The following SMAD1 variants were observed in gnomAD, a reference collection of about 807,000 sequenced individuals.
SMAD1 encodes SMAD family member 1, also known as MAD, mothers against decapentaplegic homolog 1.
A neutral mutation model predicts 41.6 loss-of-function variants in SMAD1; 6 were observed. The ratio of observed to expected loss-of-function variants is 0.14; its 90% confidence interval spans 0.08 to 0.28. The LOEUF (loss-of-function observed/expected upper bound fraction) is 0.28. Among genes scored for constraint, SMAD1 ranks in the 10% least tolerant of loss-of-function variants. The pLI is 1.00. For synonymous variants in SMAD1, 206 were observed against 203.2 expected (o/e 1.01, Z -0.12); for missense variants, 379 against 582.6 (o/e 0.65, Z 3.60).
intron 2 of SMAD1, among the ~76,000 whole-genome samples, chr4:145,520,627 C>T (rs1169406532): frequency 6.6e-6 from 1 of 152,098 alleles, no homozygotes. Context: ...CAGAGTTTTC[C>T]TTCTGATATT....
intron 3 of SMAD1, among the ~76,000 whole-genome samples, chr4:145,542,057 A>G (rs1731978229): frequency 6.6e-6 from 1 of 152,198 alleles, no homozygotes; most frequent in Non-Finnish European, 1.5e-5. Context: ...GAGTAGGGAG[A>G]GTGTGGTCCT....
At chr4:145,500,410 A>G (rs1279903798) in intron 1 of SMAD1, among the ~76,000 whole-genome samples, 1 of 152,104 alleles carries the variant, frequency 6.6e-6, no homozygotes, top group Non-Finnish European at 1.5e-5. Flanking sequence ...AGCCTCAGTG[A>G]GGACTCCTTG....
At chr4:145,523,863 T>C (rs1730889554) in intron 2 of SMAD1, among the ~76,000 whole-genome samples, 2 of 152,284 alleles carry the variant, frequency 1.3e-5, no homozygotes, top group East Asian at 3.9e-4. Flanking sequence ...CAGGGCTTCA[T>C]TCTTCAGTCT....
chr4:145,494,319 T>C (rs1728941846), intron 1 of SMAD1, among the ~76,000 whole-genome samples: 2 of 152,196 alleles, frequency 1.3e-5, no homozygotes, highest in South Asian at 4.1e-4. Flanking sequence ...CTTATGTTCA[T>C]AGTGTATCTC....
intron 2 of SMAD1, among the ~76,000 whole-genome samples, chr4:145,533,603 A>T (rs1402546753): frequency 6.6e-6 from 1 of 152,084 alleles, no homozygotes; most frequent in Non-Finnish European, 1.5e-5. Flanking sequence ...AGGATCGCTT[A>T]AGCCCAGGAG....
chr4:145,487,845 C>G (rs534397557), intron 1 of SMAD1, among the ~76,000 whole-genome samples: 1 of 151,772 alleles, frequency 6.6e-6, no homozygotes, highest in Non-Finnish European at 1.5e-5. Flanking sequence ...CTAGAACATT[C>G]ATTTGCATAA....
At chr4:145,504,850 A>G (rs911108683) in intron 1 of SMAD1, among the ~76,000 whole-genome samples, 1 of 152,298 alleles carries the variant, frequency 6.6e-6, no homozygotes. Context: ...TCTCATTGCA[A>G]TTCTTTGCTT....
intron 5 of SMAD1, among the ~76,000 whole-genome samples, chr4:145,549,081 A>G (rs1732411455): frequency 6.6e-6 from 1 of 152,196 alleles, no homozygotes; most frequent in Non-Finnish European, 1.5e-5. Context: ...AGGGGGAGTA[A>G]TTCTTTCAAA....
intron 1 of SMAD1, among the ~76,000 whole-genome samples, chr4:145,492,463 C>G (rs1578737816): frequency 6.6e-6 from 1 of 152,304 alleles, no homozygotes; most frequent in Non-Finnish European, 1.5e-5. Flanking sequence ...TGAAGAGATA[C>G]ATAGGGCAAG....
intron 1 of SMAD1, among the ~76,000 whole-genome samples, chr4:145,490,394 C>T (rs1229690294): frequency 1.3e-5 from 2 of 152,134 alleles, no homozygotes; most frequent in African/African-American, 4.8e-5. Flanking sequence ...AAGATCAGCA[C>T]ATGGTAAGGG....
At chr4:145,537,861 A>G (rs1304537673) in intron 2 of SMAD1, among the ~76,000 whole-genome samples, 1 of 152,200 alleles carries the variant, frequency 6.6e-6, no homozygotes, top group Non-Finnish European at 1.5e-5. Context: ...GCTAAAACAG[A>G]TGCTCCACTA....
chr4:145,529,279 C>T lies in SMAD1; in HGVS notation c.401-10525C>T, dbSNP rs140604686. Among the ~76,000 whole-genome samples the T allele has an allele frequency of 1.2e-3, 181 of 152,060 alleles. 1 individual carries two copies. The highest frequency in any genetic ancestry group is 1.6e-3 in the Non-Finnish European group (112 of 67,988). On this transcript the variant is annotated intron_variant, in intron 2 of 6. Coordinates refer to ENST00000302085, the MANE Select transcript of SMAD1 (RefSeq NM_005900.3). Reference sequence around the variant, plus strand: ...CCCTGAAGTTTTTTTCTACCTCTAACAACTCTCGAAGTCTCTAATAACAGA... The same window carrying T: ...CCCTGAAGTTTTTTTCTACCTCTAATAACTCTCGAAGTCTCTAATAACAGA...
At position 145,514,963 on chromosome 4, in the gene SMAD1, A is replaced by G; in HGVS notation, c.350A>G (p.Gln117Arg). ...ECCEFPFGSK[Q>R]KEVCINPYHY... The stretch of plus-strand genomic sequence containing the variant: ...TGTGAGTTTCCTTTTGGTTCCAAGC[A>G]GAAGGAGGTCTGCATCAATCCCTAC... The change falls in exon 2 of 7, where the codon CAG becomes CGG. Residue 117 changes from glutamine to arginine, a missense_variant. Gln to Arg is a conservative substitution (Grantham distance 43, BLOSUM62 1). Coordinates refer to ENST00000302085, the MANE Select transcript of SMAD1 (RefSeq NM_005900.3). The surrounding 1 kb of genome is among the most constrained non-coding windows in gnomAD (Gnocchi z 4.7). The G allele has an allele frequency of 6.2e-7, 1 of 1,614,050 alleles. No individual in the cohort carries two copies. The highest frequency in any genetic ancestry group is 1.1e-5 in the South Asian group (1 of 91,064).
At chr4:145,545,711 C>G (rs1285130566) in intron 4 of SMAD1, 1 of 152,062 alleles carries the variant, frequency 6.6e-6, no homozygotes, top group Admixed American at 6.6e-5. Flanking sequence ...TGTGGACTTT[C>G]TTTCTTTTCC....
chr4:145,525,292 A>G (rs968893885), intron 2 of SMAD1, among the ~76,000 whole-genome samples: 2 of 152,224 alleles, frequency 1.3e-5, no homozygotes, highest in Non-Finnish European at 1.5e-5. Context: ...ACTAAGCATC[A>G]TGACTAATAA....
intron 2 of SMAD1, among the ~76,000 whole-genome samples, chr4:145,539,175 A>G (rs555061833): frequency 6.6e-6 from 1 of 152,336 alleles, no homozygotes; most frequent in South Asian, 2.1e-4. Context: ...TAGAAAAAAG[A>G]TGTTCATAAA....
At chr4:145,496,587 A>T (rs140990552) in intron 1 of SMAD1, among the ~76,000 whole-genome samples, 1 of 152,272 alleles carries the variant, frequency 6.6e-6, no homozygotes, top group East Asian at 1.9e-4. Context: ...CCAAAAGTGG[A>T]TAGAAAATAC....
chr4:145,523,445 A>C (rs956582228), intron 2 of SMAD1, among the ~76,000 whole-genome samples: 1 of 152,220 alleles, frequency 6.6e-6, no homozygotes, highest in African/African-American at 2.4e-5. Context: ...TGGACATACA[A>C]TAAAATAGAA....
chr4:145,499,705 A>G (rs1729315137), intron 1 of SMAD1, among the ~76,000 whole-genome samples: 1 of 152,242 alleles, frequency 6.6e-6, no homozygotes, highest in East Asian at 1.9e-4. Context: ...CATCCCCAAG[A>G]TATCTCATTT....
Sources: gnomAD v4.1 joint callset for allele counts (sites outside exome capture counted in the v4.1 genomes callset) on GRCh38, gnomAD v4.1.1 for gene constraint, Gnocchi (gnomAD v3.1) non-coding constraint, MANE v1.5 for transcripts, NCBI Gene and HGNC (gene_info 2026-07-23, HGNC 2026-07-21) for gene names.